The following EEFSEC variants were observed in gnomAD, a reference collection of about 807,000 sequenced individuals.
EEFSEC encodes eukaryotic elongation factor, selenocysteine-tRNA specific, also known as selenocysteine-specific elongation factor.
A neutral mutation model predicts 42.1 loss-of-function variants in EEFSEC; 43 were observed. That is an observed-to-expected ratio of 1.02 (90% confidence interval 0.80 to 1.32). The LOEUF (loss-of-function observed/expected upper bound fraction) is 1.32, where lower values mean the gene tolerates loss of function less well. Among genes scored for constraint, EEFSEC ranks in the 40% most tolerant of loss-of-function variants. EEFSEC has a pLI of 0.00. For synonymous variants in EEFSEC, 354 were observed against 339.1 expected, an observed-to-expected ratio of 1.04 and a Z score of -0.48; for missense variants, 745 against 803.6, an observed-to-expected ratio of 0.93 and a Z score of 0.88.
In EEFSEC at chr3:128,207,566, T is replaced by TACACAC. The variant is rs10574435; in HGVS notation, c.317-39237_317-39232dup. On this transcript the variant is annotated intron_variant, in intron 1 of 6. Transcript: ENST00000254730. ...TCCCCTCTCCCACAGACACATTGCA[T>TACACAC]ACACACACACACACACACACACACA... 8.0e-3 allele frequency among the ~76,000 whole-genome samples: 1,139 copies of TACACAC among 142,568 alleles called. 8 individuals carry two copies. Among genetic ancestry groups the TACACAC allele is most frequent in the East Asian group, 0.022 (106 of 4,850 alleles). 93.5% of individuals were successfully genotyped at this position (142,568 alleles called of 152,430 possible).
intron 1 of EEFSEC, among the ~76,000 whole-genome samples, chr3:128,162,575 G>A (rs905077606): frequency 6.6e-6 from 1 of 152,188 alleles, no homozygotes; most frequent in African/African-American, 2.4e-5. Context: ...GGGTGACAGT[G>A]TGGGAGTAGC....
chr3:128,219,386 A>C (rs948594516), intron 1 of EEFSEC, among the ~76,000 whole-genome samples: 15 of 152,296 alleles, frequency 9.8e-5, no homozygotes, highest in Non-Finnish European at 2.1e-4. Flanking sequence ...TCCATACTGC[A>C]GCCTTCAAGG....
rs2066570683 is a variant in EEFSEC, at chr3:128,285,229, T to C, written c.786+20448T>C. Among the ~76,000 whole-genome samples the C allele has an allele frequency of 2.0e-5, 3 of 151,920 alleles. 1 individual carries two copies. The highest frequency in any genetic ancestry group is 2.0e-4 in the Admixed American group (3 of 15,256). ...TTTCTGGCTCACATGATGAGATGGG[T>C]GATGGTGCTGTGGATGCAGAAAACC... is the stretch of plus-strand genomic sequence containing the variant. On this transcript the variant is annotated intron_variant, in intron 4 of 6. Coordinates refer to ENST00000254730, the MANE Select transcript of EEFSEC (RefSeq NM_021937.5).
intron 4 of EEFSEC, among the ~76,000 whole-genome samples, chr3:128,284,876 C>CTTAA (rs1220104467): frequency 6.6e-6 from 1 of 151,916 alleles, no homozygotes; most frequent in Non-Finnish European, 1.5e-5. Flanking sequence ...GCTATGTGTG[C>CTTAA]TTAACCTTAA....
At chr3:128,155,850 A>G (rs2107753104) in intron 1 of EEFSEC, among the ~76,000 whole-genome samples, 1 of 152,342 alleles carries the variant, frequency 6.6e-6, no homozygotes. Context: ...AGAAGTTTGA[A>G]GAAGTGAAGG....
rs193153875 is a variant in EEFSEC at position 128,154,148 on chromosome 3, C to A, written c.316+325C>A. 1.7e-4 allele frequency among the ~76,000 whole-genome samples: 26 copies of A among 151,268 alleles called. 1 individual carries two copies. The South Asian group carries it at 5.2e-3, about 30-fold the overall frequency. On this transcript the variant is annotated intron_variant, in intron 1 of 6. Transcript: ENST00000254730. ...AAAGAAAACTCAAAATAAGAAAACT[C>A]ACAAGCTACAAAAAGGGTATACATA...
At chr3:128,278,135 TTG>T (rs1245767635) in intron 4 of EEFSEC, among the ~76,000 whole-genome samples, 2 of 152,080 alleles carry the variant, frequency 1.3e-5, no homozygotes, top group Non-Finnish European at 2.9e-5. Context: ...TGCAATTTAT[TTG>T]TGTGTTTGAG....
intron 4 of EEFSEC, among the ~76,000 whole-genome samples, chr3:128,322,521 A>G (rs2067018745): frequency 6.6e-6 from 1 of 152,244 alleles, no homozygotes; most frequent in Admixed American, 6.5e-5. Context: ...GGGCCTTGAG[A>G]ACCTAAAGAC....
At chr3:128,349,520 G>A (rs1364123202) in intron 5 of EEFSEC, among the ~76,000 whole-genome samples, 2 of 152,166 alleles carry the variant, frequency 1.3e-5, no homozygotes, top group Admixed American at 6.5e-5. Flanking sequence ...TGAGGGTCTG[G>A]TGCTTAGGAC....
chr3:128,197,048 C>T (rs532858241), intron 1 of EEFSEC, among the ~76,000 whole-genome samples: 11 of 152,204 alleles, frequency 7.2e-5, no homozygotes, highest in Admixed American at 2.0e-4. Flanking sequence ...TTGCATTTTT[C>T]CTCTTTGTTC....
chr3:128,186,888 G>T (rs1483036372), intron 1 of EEFSEC, among the ~76,000 whole-genome samples: 1 of 152,060 alleles, frequency 6.6e-6, no homozygotes. Flanking sequence ...CATGGGGAGG[G>T]CTGTTTCTCC....
At chr3:128,406,071 G>A (rs1208020645) in intron 6 of EEFSEC, among the ~76,000 whole-genome samples, 2 of 152,224 alleles carry the variant, frequency 1.3e-5, no homozygotes, top group Non-Finnish European at 2.9e-5. Flanking sequence ...CAGTGGGGCT[G>A]TGAGGCTCAC....
At chr3:128,308,883 G>A (rs925784305) in intron 4 of EEFSEC, among the ~76,000 whole-genome samples, 2 of 152,188 alleles carry the variant, frequency 1.3e-5, no homozygotes, top group Non-Finnish European at 2.9e-5. Flanking sequence ...TAGCTTCCCC[G>A]TCTGTGAAAT....
intron 4 of EEFSEC, among the ~76,000 whole-genome samples, chr3:128,271,902 A>G (rs1052085843): frequency 6.6e-6 from 1 of 152,174 alleles, no homozygotes; most frequent in Non-Finnish European, 1.5e-5. Context: ...CGGAAGGCAG[A>G]GCATAGCTCT....
At chr3:128,262,268 G>A (rs746499017) in intron 3 of EEFSEC, 44 bp downstream of exon 3, 3 of 1,547,084 alleles carry the variant, frequency 1.9e-6, no homozygotes, top group South Asian at 2.2e-5. Context: ...CCCCAGCGCT[G>A]CTCAGGCCAG....
chr3:128,242,929 T>G (rs1351505982), intron 1 of EEFSEC, among the ~76,000 whole-genome samples: 2 of 152,216 alleles, frequency 1.3e-5, no homozygotes, highest in Non-Finnish European at 2.9e-5. Flanking sequence ...TACCCTGGGT[T>G]CATGGGAATT....
At chr3:128,414,149 G>A in the EEFSEC span, among the ~76,000 whole-genome samples, 463 of 152,294 alleles carry the variant, frequency 3.0e-3, 3 homozygotes, top group Non-Finnish European at 3.3e-3. Context: ...CCTGAGGCTT[G>A]GGGCCCCAGC....
intron 2 of EEFSEC, 105 bp from the exon 3 acceptor site, chr3:128,262,023 G>A (rs2066302047): frequency 2.0e-6 from 2 of 1,004,836 alleles, no homozygotes; most frequent in Non-Finnish European, 1.5e-6. Context: ...GGGGAGAGAA[G>A]AGGATGCTCA....
At chr3:128,175,048 G>A (rs1384724061) in intron 1 of EEFSEC, among the ~76,000 whole-genome samples, 1 of 151,448 alleles carries the variant, frequency 6.6e-6, no homozygotes, top group Non-Finnish European at 1.5e-5. Context: ...CCTGTCTAAT[G>A]TCATCATCGG....
Sources: allele counts gnomAD v4.1 joint callset (sites outside exome capture counted in the v4.1 genomes callset), GRCh38; gene constraint gnomAD v4.1.1; transcripts MANE v1.5; gene names NCBI Gene and HGNC (gene_info 2026-07-23, HGNC 2026-07-21).